The following PLLP variants were observed in gnomAD, a reference collection of about 807,000 sequenced individuals.
PLLP encodes the protein plasmolipin.
PLLP carries 15 observed loss-of-function variants against 19.7 expected under a neutral mutation model. That is an observed-to-expected ratio of 0.76 (90% CI 0.51 to 1.17). The LOEUF (loss-of-function observed/expected upper bound fraction) is 1.17. Ranked by LOEUF, PLLP falls within the 50% of genes most tolerant of loss-of-function variation. The probability of loss-of-function intolerance (pLI) is 0.00; values close to 1 mark genes in which losing one functional copy is unlikely to be tolerated. For missense variants in PLLP, 255 were observed against 258.3 expected (o/e 0.99, Z 0.09); for synonymous variants, 111 against 116.3 (o/e 0.95, Z 0.29).
intron 3 of PLLP, among the ~76,000 whole-genome samples, chr16:57,258,214 G>C (rs988865951): frequency 4.0e-5 from 6 of 151,876 alleles, no homozygotes; most frequent in Non-Finnish European, 7.4e-5. Flanking sequence ...CTGGGCAACA[G>C]AGCAAGATTC....
chr16:57,269,176 T>C (rs1458526281), intron 1 of PLLP, among the ~76,000 whole-genome samples: 1 of 152,194 alleles, frequency 6.6e-6, no homozygotes. Context: ...TGCTGTTCTC[T>C]GAGATTTCCC....
chr16:57,282,731 C>T (rs1901234871), intron 1 of PLLP, among the ~76,000 whole-genome samples: 1 of 152,182 alleles, frequency 6.6e-6, no homozygotes, highest in Non-Finnish European at 1.5e-5. Flanking sequence ...GTTGGCTACT[C>T]CCTGCAAATT....
Position 57,262,109 on chromosome 16 carries a change from G to A in PLLP, c.136-39C>T, listed in dbSNP as rs117856888. ...ACAAGGCAGGATTGGCCAGAGATGC[G>A]GTTTCATTTCTTATCTAGCTAAGAA... On this transcript the variant is annotated intron_variant, in intron 1 of 3. Coordinates refer to ENST00000219207, the MANE Select transcript of PLLP (RefSeq NM_015993.3). 1,207 of 1,599,744 alleles carry A rather than the reference G, an allele frequency of 7.5e-4. 7 individuals carry two copies. The East Asian group carries it at 0.013, about 17-fold the overall frequency.
chr16:57,279,314 A>G (rs532501362), intron 1 of PLLP, among the ~76,000 whole-genome samples: 222 of 149,828 alleles, frequency 1.5e-3, no homozygotes, highest in Non-Finnish European at 2.8e-3. Context: ...TCTCCATGCC[A>G]CCCCATGGAT....
intron 1 of PLLP, among the ~76,000 whole-genome samples, chr16:57,270,391 T>C (rs1397678306): frequency 6.8e-6 from 1 of 147,574 alleles, no homozygotes; most frequent in Non-Finnish European, 1.5e-5. Context: ...GGCCCCTGAG[T>C]GCTTCCCAGG....
intron 1 of PLLP, among the ~76,000 whole-genome samples, chr16:57,283,751 G>A (rs981623380): frequency 6.6e-6 from 1 of 152,214 alleles, no homozygotes; most frequent in East Asian, 1.9e-4. Flanking sequence ...TCTCGGTCCC[G>A]TGGGGCTGGC....
chr16:57,280,745 A>T (rs1178894859), intron 1 of PLLP, among the ~76,000 whole-genome samples: 1 of 151,662 alleles, frequency 6.6e-6, no homozygotes, highest in Non-Finnish European at 1.5e-5. Flanking sequence ...CATCGCTTTA[A>T]CTCTTCTGTC....
At chr16:57,270,242 T>C in intron 1 of PLLP, among the ~76,000 whole-genome samples, 1 of 78,012 alleles carries the variant, frequency 1.3e-5, no homozygotes, top group East Asian at 4.2e-4. Context: ...CCCTGAGTCA[T>C]TCCCCAGCCC....
At chr16:57,284,347 C>T (rs1403327540) in intron 1 of PLLP, 59 bp downstream of exon 1, 1 of 1,283,578 alleles carries the variant, frequency 7.8e-7, no homozygotes, top group South Asian at 2.1e-5. Context: ...GAGTCCCTCA[C>T]CCATCCTGGC....
At chr16:57,265,638 T>A (rs1219160882) in intron 1 of PLLP, among the ~76,000 whole-genome samples, 1 of 152,208 alleles carries the variant, frequency 6.6e-6, no homozygotes, top group Non-Finnish European at 1.5e-5. Flanking sequence ...CATTGATTCC[T>A]CCATCACCAG....
chr16:57,280,371 A>T (rs1415738470), intron 1 of PLLP, among the ~76,000 whole-genome samples: 3 of 152,106 alleles, frequency 2.0e-5, no homozygotes, highest in Non-Finnish European at 4.4e-5. Flanking sequence ...AGAGATGGGC[A>T]CCTAACAGCA....
At chr16:57,281,521 T>G (rs1362111890) in intron 1 of PLLP, among the ~76,000 whole-genome samples, 1 of 147,952 alleles carries the variant, frequency 6.8e-6, no homozygotes, top group African/African-American at 2.6e-5. Flanking sequence ...TTATTTCTTT[T>G]TTTTTTTGAG....
chr16:57,270,662 G>C (rs1316164026), intron 1 of PLLP, among the ~76,000 whole-genome samples: 1 of 152,128 alleles, frequency 6.6e-6, no homozygotes, highest in East Asian at 1.9e-4. Flanking sequence ...AGGGGACAGA[G>C]GCTCCGGGCG....
intron 1 of PLLP, among the ~76,000 whole-genome samples, chr16:57,266,177 TC>T (rs1354670706): frequency 2.6e-5 from 4 of 151,880 alleles, no homozygotes; most frequent in Admixed American, 2.0e-4. Context: ...GCACCCAGGC[TC>T]CCCCCACTGC....
chr16:57,257,054 A>C, intron 3 of PLLP, 25 bp from the exon 4 acceptor site: 1 of 1,524,892 alleles, frequency 6.6e-7, no homozygotes, highest in Non-Finnish European at 9.1e-7. Flanking sequence ...AGAAGGGCTT[A>C]AGGACCGAGA....
At chr16:57,268,906 G>A (rs2075465844) in intron 1 of PLLP, among the ~76,000 whole-genome samples, 1 of 152,222 alleles carries the variant, frequency 6.6e-6, no homozygotes, top group African/African-American at 2.4e-5. Context: ...AGGCTCCTCA[G>A]GAGGGTGAGG....
intron 3 of PLLP, 23 bp from the exon 4 acceptor site, chr16:57,257,052 T>A (rs761111592): frequency 6.5e-7 from 1 of 1,541,064 alleles, no homozygotes; most frequent in Non-Finnish European, 9.0e-7. Context: ...TGAGAAGGGC[T>A]TAAGGACCGA....
intron 1 of PLLP, among the ~76,000 whole-genome samples, chr16:57,283,691 G>C (rs974766816): frequency 1.3e-5 from 2 of 152,188 alleles, no homozygotes; most frequent in South Asian, 2.1e-4. Context: ...GTCTGGGAGA[G>C]AGTAGGAGTC....
At position 57,284,606 on chromosome 16, in the gene PLLP, G is replaced by A. The variant is rs11541873; in HGVS notation, c.-66C>T. 5.5e-6 allele frequency: 7 copies of A among 1,280,786 alleles called. No individual in the cohort carries two copies. In the South Asian group the frequency reaches 8.0e-5, roughly 15 times the overall value. The allele number at this position is 1,280,786 out of a possible 1,614,324, so 79.3% of individuals were successfully genotyped here. A position where few individuals can be genotyped will look rare whatever the true frequency, so the allele number is the denominator to read the frequency against. On this transcript the variant is annotated 5_prime_UTR_variant, in exon 1 of 4. Transcript: ENST00000219207. ...CGCCGCCCCTCCAGCGGTGGGTGCC[G>A]GCTCCCGCGCCGCTTTTCCCCCAGG...
Sources: gnomAD v4.1 joint callset for allele counts (sites outside exome capture counted in the v4.1 genomes callset) on GRCh38, gnomAD v4.1.1 for gene constraint, MANE v1.5 for transcripts, NCBI Gene and HGNC (gene_info 2026-07-23, HGNC 2026-07-21) for gene names.